The following TRPC7 variants were observed in gnomAD, a reference collection of about 807,000 sequenced individuals.
TRPC7 encodes the protein short transient receptor potential channel 7.
Under a neutral mutation model 90.1 loss-of-function variants are expected in TRPC7, and 42 were observed. That is an observed-to-expected ratio of 0.47 (90% CI 0.36 to 0.60). The LOEUF is 0.60. TRPC7 is among the 20% of genes least tolerant of loss of function. The probability of loss-of-function intolerance (pLI) is 0.00; values close to 1 mark genes in which losing one functional copy is unlikely to be tolerated. For synonymous variants in TRPC7, 451 were observed against 436.3 expected (o/e 1.03, Z -0.42); for missense variants, 955 against 1,112.3 (o/e 0.86, Z 2.01).
intron 8 of TRPC7, among the ~76,000 whole-genome samples, chr5:136,226,654 T>C (rs1167196718): frequency 6.6e-6 from 1 of 152,168 alleles, no homozygotes; most frequent in Non-Finnish European, 1.5e-5. Context: ...TACTTATTAA[T>C]CTCTAAAGAA....
intron 7 of TRPC7, among the ~76,000 whole-genome samples, chr5:136,241,299 T>C (rs1756154482): frequency 6.6e-6 from 1 of 152,268 alleles, no homozygotes; most frequent in African/African-American, 2.4e-5. Context: ...GCTATGAAGC[T>C]GACTTCACAA....
chr5:136,305,472 G>C lies in TRPC7; in HGVS notation c.963+10125C>G, dbSNP rs533701360. On this transcript the variant is annotated intron_variant, in intron 3 of 11. Coordinates refer to ENST00000513104, the MANE Select transcript of TRPC7 (RefSeq NM_020389.3). ...TCTACTACTCCTCAGGGATTATTCA[G>C]GCCCCCTCCCTTCCCTACACATCAA... is the stretch of plus-strand genomic sequence containing the variant. Among the ~76,000 whole-genome samples, 411 of 152,028 alleles carry C rather than the reference G, an allele frequency of 2.7e-3. 2 individuals are homozygous for C. Among genetic ancestry groups the C allele is most frequent in the African/African-American group, 9.4e-3 (389 of 41,456 alleles).
At chr5:136,325,283 C>A (rs937397892) in intron 2 of TRPC7, among the ~76,000 whole-genome samples, 1 of 152,126 alleles carries the variant, frequency 6.6e-6, no homozygotes, top group Non-Finnish European at 1.5e-5. Context: ...CTGGAGAGAG[C>A]TAAGAGAGCA....
At chr5:136,333,124 C>T (rs1759550634) in intron 2 of TRPC7, among the ~76,000 whole-genome samples, 1 of 152,186 alleles carries the variant, frequency 6.6e-6, no homozygotes, top group African/African-American at 2.4e-5. Context: ...TGGTTTGTTA[C>T]ACAGCCTGAC....
intron 7 of TRPC7, among the ~76,000 whole-genome samples, chr5:136,238,100 GCTC>G (rs1756046111): frequency 6.6e-6 from 1 of 152,194 alleles, no homozygotes; most frequent in South Asian, 2.1e-4. Flanking sequence ...GTACCTGGCT[GCTC>G]CTCCTCTTTT....
intron 7 of TRPC7, 108 bp from the exon 8 acceptor site, chr5:136,231,657 T>C (rs1401319520): frequency 9.6e-7 from 1 of 1,042,762 alleles, no homozygotes; most frequent in Non-Finnish European, 1.4e-6. Context: ...TAGGCTGGAG[T>C]GCAGTGGCTC....
chr5:136,222,978 G>A (rs1755506610), intron 10 of TRPC7, among the ~76,000 whole-genome samples: 2 of 152,230 alleles, frequency 1.3e-5, no homozygotes. Context: ...TACTCCAATT[G>A]TGAGCAGATG....
chr5:136,222,717 G>A (rs2149793909), intron 10 of TRPC7, among the ~76,000 whole-genome samples: 1 of 152,318 alleles, frequency 6.6e-6, no homozygotes, highest in South Asian at 2.1e-4. Flanking sequence ...TCTGAGGAGG[G>A]TGCTGGTGCA....
At chr5:136,356,184 G>A (rs1760367278) in intron 2 of TRPC7, among the ~76,000 whole-genome samples, 1 of 152,246 alleles carries the variant, frequency 6.6e-6, no homozygotes, top group African/African-American at 2.4e-5. Flanking sequence ...TGAGAGAGAT[G>A]TGAACAAGAC....
chr5:136,358,964 T>C (rs759265427), intron 1 of TRPC7, among the ~76,000 whole-genome samples: 4 of 152,236 alleles, frequency 2.6e-5, no homozygotes, highest in African/African-American at 4.8e-5. Flanking sequence ...AATTGTCTTT[T>C]TTTAATTTGT....
At chr5:136,291,170 C>G (rs1021133473) in intron 3 of TRPC7, among the ~76,000 whole-genome samples, 3 of 152,164 alleles carry the variant, frequency 2.0e-5, no homozygotes, top group Admixed American at 6.5e-5. Flanking sequence ...ACAACTGGTA[C>G]CAGCCACTGC....
intron 5 of TRPC7, among the ~76,000 whole-genome samples, chr5:136,264,593 T>G (rs1224190635): frequency 6.6e-6 from 1 of 151,944 alleles, no homozygotes; most frequent in African/African-American, 2.4e-5. Context: ...TGTTTTTTTT[T>G]TTGTTTGTTT....
chr5:136,343,256 C>T (rs1304042895), intron 2 of TRPC7, among the ~76,000 whole-genome samples: 1 of 152,096 alleles, frequency 6.6e-6, no homozygotes, highest in Non-Finnish European at 1.5e-5. Context: ...GTTTTCTGTT[C>T]AACAAAGAAT....
intron 2 of TRPC7, among the ~76,000 whole-genome samples, chr5:136,334,939 G>T (rs1186675109): frequency 1.3e-5 from 2 of 152,142 alleles, no homozygotes; most frequent in East Asian, 3.9e-4. Flanking sequence ...TTGTATATAG[G>T]TCACTGTAGC....
chr5:136,307,142 G>A (rs866079062), intron 3 of TRPC7, among the ~76,000 whole-genome samples: 5 of 152,194 alleles, frequency 3.3e-5, no homozygotes, highest in Non-Finnish European at 1.5e-5. Context: ...TTTCTATGGT[G>A]AGACATGAAA....
intron 3 of TRPC7, among the ~76,000 whole-genome samples, chr5:136,290,211 TG>T (rs1056879177): frequency 2.0e-5 from 3 of 151,948 alleles, no homozygotes; most frequent in African/African-American, 7.3e-5. Flanking sequence ...GCAGAAAAAC[TG>T]GAAACTCTAA....
At chr5:136,344,732 G>A (rs1475194210) in intron 2 of TRPC7, among the ~76,000 whole-genome samples, 1 of 152,190 alleles carries the variant, frequency 6.6e-6, no homozygotes, top group Non-Finnish European at 1.5e-5. Flanking sequence ...AAGAATGCTT[G>A]AATAGGATTG....
intron 2 of TRPC7, among the ~76,000 whole-genome samples, chr5:136,348,420 C>A (rs1382774019): frequency 1.3e-5 from 2 of 152,166 alleles, no homozygotes; most frequent in Admixed American, 6.5e-5. Context: ...CCATTTATCT[C>A]TTTTATTCCA....
chr5:136,365,127 TA>T, intron 1 of TRPC7, 125 bp downstream of exon 1: 1 of 1,102,752 alleles, frequency 9.1e-7, no homozygotes, highest in Non-Finnish European at 1.3e-6. Context: ...CAGATCCATC[TA>T]AAAATCTAAG....
Sources: allele counts gnomAD v4.1 joint callset (sites outside exome capture counted in the v4.1 genomes callset), GRCh38; gene constraint gnomAD v4.1.1; transcripts MANE v1.5; gene names NCBI Gene and HGNC (gene_info 2026-07-23, HGNC 2026-07-21).